NECAP2: variants seen among roughly 807,000 people sequenced by gnomAD.
NECAP2 encodes NECAP endocytosis associated 2, also known as adaptin ear-binding coat-associated protein 2.
A neutral mutation model predicts 37.8 loss-of-function variants in NECAP2; 38 were observed. That is an observed-to-expected ratio of 1.01 (90% CI 0.78 to 1.32). The LOEUF (loss-of-function observed/expected upper bound fraction) is 1.32. Among genes scored for constraint, NECAP2 ranks in the 40% most tolerant of loss-of-function variants. The pLI is 0.00. For missense variants in NECAP2, 316 were observed against 334.5 expected (o/e 0.94, Z 0.43); for synonymous variants, 121 against 127.7 (o/e 0.95, Z 0.35).
In NECAP2 at chr1:16,448,194, A is replaced by G. The variant is rs939082177; in HGVS notation, c.380+53A>G. 2.6e-6 allele frequency: 4 copies of G among 1,515,518 alleles called. No homozygotes were observed. The African/African-American group carries it at 5.5e-5, about 21-fold the overall frequency. 93.9% of individuals were successfully genotyped at this position (1,515,518 alleles called of 1,614,324 possible). On this transcript the variant is annotated intron_variant, in intron 4 of 7. Coordinates refer to ENST00000337132, the MANE Select transcript of NECAP2 (RefSeq NM_018090.5). ...ATGCCCCTCCCTTCTTTCCCTGGAC[A>G]GAATGATCTCCCAGGTTAGGATACC...
chr1:16,457,285 A>C (rs12135027), intron 7 of NECAP2, among the ~76,000 whole-genome samples: 9 of 152,222 alleles, frequency 5.9e-5, no homozygotes, highest in African/African-American at 2.2e-4. Flanking sequence ...GTCAAACCCC[A>C]TCTCTACTAA....
At chr1:16,443,228 A>G (rs2086714543) in intron 1 of NECAP2, among the ~76,000 whole-genome samples, 1 of 152,212 alleles carries the variant, frequency 6.6e-6, no homozygotes, top group Non-Finnish European at 1.5e-5. Flanking sequence ...CCAAGTGACA[A>G]CCCAGTGTGT....
At chr1:16,456,000 G>T in intron 7 of NECAP2, 107 bp downstream of exon 7, 59 of 652,562 alleles carry the variant, frequency 9.0e-5, no homozygotes, top group Non-Finnish European at 1.3e-4. Context: ...AGGAGTAACA[G>T]TTTTAATTTG....
intron 2 of NECAP2, among the ~76,000 whole-genome samples, chr1:16,444,942 C>T (rs994817318): frequency 1.3e-5 from 2 of 152,198 alleles, no homozygotes; most frequent in Admixed American, 6.5e-5. Flanking sequence ...CTGCCTCAGC[C>T]TCTCGGGTAG....
At chr1:16,452,727 C>A (rs1184632070) in intron 6 of NECAP2, among the ~76,000 whole-genome samples, 1 of 152,124 alleles carries the variant, frequency 6.6e-6, no homozygotes, top group East Asian at 1.9e-4. Flanking sequence ...AGCTTCTGAC[C>A]ACGCTGGGGT....
At chr1:16,453,909 T>C (rs1486838841) in intron 6 of NECAP2, among the ~76,000 whole-genome samples, 5 of 152,170 alleles carry the variant, frequency 3.3e-5, no homozygotes, top group Non-Finnish European at 1.5e-5. Flanking sequence ...TGTTTTCTGG[T>C]GTCTGAGACA....
At chr1:16,453,352 G>A (rs1040124794) in intron 6 of NECAP2, among the ~76,000 whole-genome samples, 4 of 151,826 alleles carry the variant, frequency 2.6e-5, no homozygotes, top group Admixed American at 6.6e-5. Context: ...CAGGTGATCC[G>A]CCCGCCTCAG....
rs1430366999 is a variant in NECAP2 at position 16,458,864 on chromosome 1, C to T, written c.766C>T (p.Pro256Ser). Residue 256 changes from proline to serine, a missense_variant, in exon 8 of 8, where the codon CCA becomes TCA. Pro to Ser is a moderately conservative substitution (Grantham distance 74, BLOSUM62 -1). Transcript: ENST00000337132. ...CAGATCAACTTCCAGCCAGACCCAG[C>T]CAGGCACAGGCTGGGTCCAGTTCTG... ...STGSTSSQTQ[P>S]GTGWVQF 1 of 1,613,592 alleles carries T rather than the reference C, an allele frequency of 6.2e-7. No homozygotes were observed. Among genetic ancestry groups the T allele is most frequent in the Non-Finnish European group, 8.5e-7 (1 of 1,179,882 alleles).
chr1:16,444,703 C>T (rs1486237477), intron 2 of NECAP2, among the ~76,000 whole-genome samples: 1 of 152,198 alleles, frequency 6.6e-6, no homozygotes, highest in East Asian at 1.9e-4. Context: ...TTTGGAGAGG[C>T]AGCTGCCATG....
At position 16,440,819 on chromosome 1, in the gene NECAP2, C is replaced by T. The variant is rs2086679282; in HGVS notation, c.58C>T (p.Arg20Cys). Residue 20 changes from arginine to cysteine, a missense_variant, in exon 1 of 8, where the codon CGC (arginine) becomes TGC (cysteine). By Grantham distance (180) the Arg-to-Cys change is radical (BLOSUM62 -3). This residue lies in a region of NECAP2 where 81 missense variants were observed against 124.2 expected (regional missense o/e 0.65). Coordinates refer to ENST00000337132, the MANE Select transcript of NECAP2 (RefSeq NM_018090.5). ...LCVKPDVHVY[R>C]IPPRATNRGY... ...TGTCAAGCCTGACGTCCACGTCTAC[C>T]GCATCCCTCCGCGGGCTACCAACCG... The T allele has an allele frequency of 1.9e-6, 3 of 1,614,150 alleles. 1 individual carries two copies. The South Asian group carries it at 3.3e-5, about 18-fold the overall frequency.
chr1:16,454,460 A>G (rs1212331203), intron 6 of NECAP2, among the ~76,000 whole-genome samples: 3 of 151,842 alleles, frequency 2.0e-5, no homozygotes, highest in African/African-American at 7.3e-5. Context: ...GGTTCAAGCA[A>G]TTCTCCTGCC....
chr1:16,447,837 G>A (rs745929167), intron 2 of NECAP2, 33 bp from the exon 3 acceptor site: 6 of 1,586,876 alleles, frequency 3.8e-6, no homozygotes, highest in Non-Finnish European at 5.2e-6. Context: ...AGGGGGCTCA[G>A]GGCTCAGCGC....
intron 2 of NECAP2, 124 bp downstream of exon 2, chr1:16,443,856 G>T: frequency 2.8e-6 from 2 of 716,310 alleles, no homozygotes; most frequent in Non-Finnish European, 5.0e-6. Flanking sequence ...TCAGAGACGT[G>T]TGTGTACCTT....
intron 2 of NECAP2, among the ~76,000 whole-genome samples, chr1:16,445,447 C>T (rs1172080861): frequency 6.6e-6 from 1 of 152,182 alleles, no homozygotes; most frequent in Non-Finnish European, 1.5e-5. Context: ...CTAGACATTG[C>T]CAGATGTCCT....
intron 2 of NECAP2, among the ~76,000 whole-genome samples, chr1:16,444,126 T>G (rs970680366): frequency 6.6e-6 from 1 of 152,128 alleles, no homozygotes. Flanking sequence ...CAGCGGTAAC[T>G]CCCAGAGCTG....
intron 2 of NECAP2, 74 bp from the exon 3 acceptor site, chr1:16,447,796 C>A: frequency 8.2e-7 from 1 of 1,225,720 alleles, no homozygotes; most frequent in Non-Finnish European, 1.2e-6. Context: ...GGGCAAAAGG[C>A]CCAGTAGTGT....
chr1:16,458,945 C>T lies in NECAP2; in HGVS notation c.*55C>T. The T allele has an allele frequency of 6.2e-7, 1 of 1,613,974 alleles. No individual in the cohort carries two copies. ...CTGGGAAGGCGCTCCCTCATCTGGG[C>T]CAAAGGAAGGAGGACGAAGCCCTCC... On this transcript the variant is annotated 3_prime_UTR_variant, in exon 8 of 8. Coordinates refer to ENST00000337132, the MANE Select transcript of NECAP2 (RefSeq NM_018090.5).
intron 5 of NECAP2, chr1:16,449,531 C>T (rs1225157018): frequency 3.6e-6 from 1 of 280,284 alleles, no homozygotes; most frequent in East Asian, 8.3e-5. Context: ...AAGAAGGGAC[C>T]TGTAGGCAAG....
At chr1:16,458,676 C>T (rs535033790) in intron 7 of NECAP2, among the ~76,000 whole-genome samples, 166 bp from the exon 8 acceptor site, 11 of 151,844 alleles carry the variant, frequency 7.2e-5, no homozygotes, top group Admixed American at 2.0e-4. Context: ...AAAAAACCAT[C>T]GAGGGCCAGA....
Sources: gnomAD v4.1 joint callset for allele counts (sites outside exome capture counted in the v4.1 genomes callset) on GRCh38, gnomAD v4.1.1 for gene constraint, gnomAD v4.1.1 regional missense constraint, MANE v1.5 for transcripts, NCBI Gene and HGNC (gene_info 2026-07-23, HGNC 2026-07-21) for gene names.